PRKCA: variants seen among roughly 807,000 people sequenced by gnomAD.
PRKCA encodes the protein protein kinase C alpha type.
Under a neutral mutation model 87.0 loss-of-function variants are expected in PRKCA, and 27 were observed. The observed-to-expected ratio is 0.31, with a 90% CI of 0.23 to 0.43. PRKCA has a LOEUF of 0.43. PRKCA is among the 20% of genes least tolerant of loss of function. The probability of loss-of-function intolerance (pLI) is 1.00; values close to 1 mark genes in which losing one functional copy is unlikely to be tolerated. For synonymous variants in PRKCA, 329 were observed against 311.1 expected, an observed-to-expected ratio of 1.06 and a Z score of -0.61; for missense variants, 518 against 852.3, an observed-to-expected ratio of 0.61 and a Z score of 4.88.
chr17:66,612,482 A>G (rs184099607), intron 3 of PRKCA, among the ~76,000 whole-genome samples: 2 of 152,146 alleles, frequency 1.3e-5, no homozygotes, highest in East Asian at 3.9e-4. Context: ...CATGTAACCT[A>G]ATTTTAGGGC....
At chr17:66,678,107 A>G (rs888930861) in intron 5 of PRKCA, among the ~76,000 whole-genome samples, 27 of 152,206 alleles carry the variant, frequency 1.8e-4, no homozygotes, top group Admixed American at 6.5e-5. Flanking sequence ...AGGTGGGGAA[A>G]TTCTTCTGGA....
intron 2 of PRKCA, among the ~76,000 whole-genome samples, chr17:66,490,242 A>G (rs1006570543): frequency 1.3e-5 from 2 of 152,136 alleles, no homozygotes; most frequent in African/African-American, 4.8e-5. Flanking sequence ...ATAGTAGGTT[A>G]TGTATAAGAT....
intron 14 of PRKCA, among the ~76,000 whole-genome samples, chr17:66,778,629 T>C (rs1975122818): frequency 6.6e-6 from 1 of 152,108 alleles, no homozygotes; most frequent in African/African-American, 2.4e-5. Flanking sequence ...GGTGGATCAC[T>C]TGAGTCCAGG....
intron 3 of PRKCA, among the ~76,000 whole-genome samples, chr17:66,557,751 AT>A (rs994004185): frequency 6.6e-6 from 1 of 152,146 alleles, no homozygotes; most frequent in Non-Finnish European, 1.5e-5. Context: ...AAAACCTAGA[AT>A]TTTTTGCCAG....
At chr17:66,499,965 T>A (rs1011150959) in intron 3 of PRKCA, among the ~76,000 whole-genome samples, 2 of 152,226 alleles carry the variant, frequency 1.3e-5, no homozygotes, top group Non-Finnish European at 2.9e-5. Flanking sequence ...AAAATTCATA[T>A]GCTGAAACTT....
intron 16 of PRKCA, among the ~76,000 whole-genome samples, chr17:66,798,489 CGGTGGTGGT>C (rs1231146721): frequency 6.3e-3 from 9 of 1,422 alleles, no homozygotes; most frequent in Non-Finnish European, 9.9e-3. Flanking sequence ...GTGGTGGTGA[CGGTGGTGGT>C]GGTGGTGGTG....
intron 5 of PRKCA, among the ~76,000 whole-genome samples, chr17:66,681,716 C>T (rs1181302071): frequency 2.6e-5 from 4 of 152,316 alleles, no homozygotes; most frequent in African/African-American, 9.6e-5. Flanking sequence ...TTGGCCCTAG[C>T]TGCCCACGCT....
At chr17:66,330,123 TA>T (rs1475187111) in intron 2 of PRKCA, among the ~76,000 whole-genome samples, 10 of 98,076 alleles carry the variant, frequency 1.0e-4, no homozygotes, top group Non-Finnish European at 2.2e-4. Context: ...TTTTTTTTTT[TA>T]AACAGAGTTT....
chr17:66,689,058 C>G lies in PRKCA; in HGVS notation c.918+11C>G, dbSNP rs1332100856. On this transcript the variant is annotated intron_variant, in intron 8 of 16. Transcript: ENST00000413366. This position sits in a 1 kb window ranked among gnomAD's most constrained non-coding sequence, Gnocchi z 4.1. ...AGGCAGAAATTCGAGGTGAGGATAA[C>G]AAAATGCCCGGAAACACCTTTCCTT... is the stretch of plus-strand genomic sequence containing the variant. The G allele has an allele frequency of 6.4e-7, 1 of 1,551,076 alleles. No individual in the cohort carries two copies. Among genetic ancestry groups the G allele is most frequent in the Non-Finnish European group, 8.8e-7 (1 of 1,136,970 alleles).
chr17:66,546,713 C>T (rs190653358), intron 3 of PRKCA, among the ~76,000 whole-genome samples: 8 of 152,318 alleles, frequency 5.3e-5, no homozygotes, highest in Admixed American at 4.6e-4. Context: ...TTCCAAATAA[C>T]GTCACATTCA....
intron 2 of PRKCA, among the ~76,000 whole-genome samples, chr17:66,424,568 AACACACAC>A (rs141074503): frequency 3.5e-5 from 5 of 142,056 alleles, no homozygotes; most frequent in East Asian, 2.1e-4. Context: ...CCCTGTCTCA[AACACACAC>A]ACACACACAC....
chr17:66,329,084 G>A (rs1025020667), intron 2 of PRKCA, among the ~76,000 whole-genome samples: 2 of 152,242 alleles, frequency 1.3e-5, no homozygotes, highest in Non-Finnish European at 2.9e-5. Flanking sequence ...GGGGCAGCCT[G>A]TTGGGAGGTC....
intron 3 of PRKCA, among the ~76,000 whole-genome samples, chr17:66,551,689 G>A (rs1038976929): frequency 2.0e-5 from 3 of 152,140 alleles, no homozygotes; most frequent in African/African-American, 7.2e-5. Flanking sequence ...GGGGACAGGG[G>A]CAAATTAGAG....
intron 2 of PRKCA, among the ~76,000 whole-genome samples, chr17:66,483,140 T>C (rs933346914): frequency 9.2e-5 from 14 of 152,320 alleles, no homozygotes; most frequent in Admixed American, 3.3e-4. Context: ...ACTGAATCAT[T>C]TGCTTTCCAA....
chr17:66,515,782 C>T (rs1966949250), intron 3 of PRKCA, among the ~76,000 whole-genome samples: 2 of 152,164 alleles, frequency 1.3e-5, no homozygotes, highest in African/African-American at 4.8e-5. Context: ...TGGGCTGAAG[C>T]AATCCGCCCA....
chr17:66,785,923 G>A (rs1975373856), intron 14 of PRKCA, among the ~76,000 whole-genome samples: 1 of 152,204 alleles, frequency 6.6e-6, no homozygotes, highest in South Asian at 2.1e-4. Context: ...CCGCCTCCCA[G>A]GTTCAGGCCA....
chr17:66,626,792 C>A (rs1297464664), intron 3 of PRKCA, among the ~76,000 whole-genome samples: 1 of 152,182 alleles, frequency 6.6e-6, no homozygotes, highest in Non-Finnish European at 1.5e-5. Flanking sequence ...CAGGCATGAG[C>A]CATCGCGCCC....
chr17:66,766,063 G>C (rs1033776078), intron 13 of PRKCA, among the ~76,000 whole-genome samples: 2 of 152,212 alleles, frequency 1.3e-5, no homozygotes, highest in South Asian at 2.1e-4. Context: ...GCAGTGTTCA[G>C]AGTGACTTTG....
At chr17:66,444,716 C>T (rs1054504102) in intron 2 of PRKCA, among the ~76,000 whole-genome samples, 1 of 152,084 alleles carries the variant, frequency 6.6e-6, no homozygotes, top group Admixed American at 6.5e-5. Flanking sequence ...ATCTTCCCCT[C>T]GTTGTCTGCC....
Sources: gnomAD v4.1 joint callset for allele counts (sites outside exome capture counted in the v4.1 genomes callset) on GRCh38, gnomAD v4.1.1 for gene constraint, Gnocchi (gnomAD v3.1) non-coding constraint, MANE v1.5 for transcripts, NCBI Gene and HGNC (gene_info 2026-07-23, HGNC 2026-07-21) for gene names.